The following TRAK1 variants were observed in gnomAD, a reference collection of about 807,000 sequenced individuals.
TRAK1 encodes trafficking kinesin-binding protein 1.
A neutral mutation model predicts 92.1 loss-of-function variants in TRAK1; 33 were observed. The observed-to-expected ratio is 0.36, with a 90% CI of 0.27 to 0.48. TRAK1 has a LOEUF of 0.48. Ranked by LOEUF, TRAK1 falls within the 20% of genes least tolerant of loss-of-function variation. The pLI is 0.99. For missense variants in TRAK1, 1,123 were observed against 1,257.9 expected (o/e 0.89, Z 1.62); for synonymous variants, 521 against 517.3 (o/e 1.01, Z -0.10).
intron 2 of TRAK1, among the ~76,000 whole-genome samples, chr3:42,139,517 C>T (rs773252580): frequency 1.4e-4 from 22 of 152,094 alleles, no homozygotes; most frequent in East Asian, 5.8e-4. Flanking sequence ...CCAGGGTGCA[C>T]GACAGCACCA....
intron 2 of TRAK1, among the ~76,000 whole-genome samples, chr3:42,165,730 C>T (rs969196870): frequency 2.0e-5 from 3 of 152,080 alleles, no homozygotes; most frequent in African/African-American, 7.2e-5. Context: ...ACTGACCTGG[C>T]GCATCAGTAC....
At chr3:42,214,941 G>A (rs1709495378) in intron 14 of TRAK1, among the ~76,000 whole-genome samples, 2 of 152,188 alleles carry the variant, frequency 1.3e-5, no homozygotes, top group African/African-American at 4.8e-5. Context: ...AATCACTTTT[G>A]TATTTTTTAA....
chr3:42,215,072 T>C (rs999402147), intron 14 of TRAK1, among the ~76,000 whole-genome samples: 1 of 152,216 alleles, frequency 6.6e-6, no homozygotes, highest in Non-Finnish European at 1.5e-5. Flanking sequence ...TAATGATGAC[T>C]CGTAGGGCAA....
At chr3:42,102,353 T>C (rs1706892659) in intron 1 of TRAK1, among the ~76,000 whole-genome samples, 1 of 152,260 alleles carries the variant, frequency 6.6e-6, no homozygotes, top group Admixed American at 6.5e-5. Flanking sequence ...TAGAAGCTTC[T>C]TTTACCTTGG....
chr3:42,081,238 C>G (rs1030760104), intron 1 of TRAK1, among the ~76,000 whole-genome samples: 6 of 152,152 alleles, frequency 3.9e-5, no homozygotes, highest in South Asian at 2.1e-4. Context: ...TAAACTCGAG[C>G]CAGCCTAGAG....
chr3:42,058,507 T>G (rs9827425), intron 1 of TRAK1, among the ~76,000 whole-genome samples: 1 of 152,112 alleles, frequency 6.6e-6, no homozygotes, highest in Non-Finnish European at 1.5e-5. Context: ...GCCCAGCTTA[T>G]TTTTTAATGT....
chr3:42,057,250 A>T (rs1703238503), intron 1 of TRAK1, among the ~76,000 whole-genome samples: 1 of 152,208 alleles, frequency 6.6e-6, no homozygotes, highest in African/African-American at 2.4e-5. Flanking sequence ...ATGGACCATG[A>T]GCTCCTGGAG....
intron 2 of TRAK1, among the ~76,000 whole-genome samples, chr3:42,149,760 G>A (rs1040310875): frequency 3.3e-5 from 5 of 152,158 alleles, no homozygotes; most frequent in Admixed American, 3.3e-4. Context: ...CATGGTGGAG[G>A]AGGTGGCAGG....
chr3:42,134,117 G>T (rs1479722728), intron 2 of TRAK1, among the ~76,000 whole-genome samples: 1 of 151,898 alleles, frequency 6.6e-6, no homozygotes, highest in Non-Finnish European at 1.5e-5. Context: ...TGGTCAGCTG[G>T]TCGGCAGTAT....
chr3:42,169,153 T>TA (rs1012722093), intron 2 of TRAK1, among the ~76,000 whole-genome samples: 32 of 151,800 alleles, frequency 2.1e-4, no homozygotes, highest in African/African-American at 7.5e-4. Flanking sequence ...TTTCTTTTTT[T>TA]TTTTAAGTGA....
Position 42,191,515 on chromosome 3 carries a change from C to T in TRAK1, c.691-43C>T, listed in dbSNP as rs375654531. ...CTCAGCCCTTGCCTGCACCACCAGG[C>T]CAGGTGAGAATGTGGGGCCTCTGAC... On this transcript the variant is annotated intron_variant, in intron 6 of 15. Coordinates refer to ENST00000327628, the MANE Select transcript of TRAK1 (RefSeq NM_001042646.3). 4.8e-5 allele frequency: 74 copies of T among 1,549,590 alleles called. No individual in the cohort carries two copies. In the African/African-American group the frequency reaches 9.1e-4, roughly 19 times the overall value.
At chr3:42,146,733 T>G (rs1699375669) in intron 2 of TRAK1, among the ~76,000 whole-genome samples, 1 of 152,158 alleles carries the variant, frequency 6.6e-6, no homozygotes, top group Admixed American at 6.5e-5. Flanking sequence ...TTTAAAATTT[T>G]TTTGTAGAGA....
chr3:42,217,751 T>C, intron 14 of TRAK1: 9 of 985,388 alleles, frequency 9.1e-6, no homozygotes, highest in Non-Finnish European at 1.1e-5. Context: ...CTCATGCCTG[T>C]TATTTGGGAT....
intron 1 of TRAK1, among the ~76,000 whole-genome samples, chr3:42,121,549 G>A (rs760514587): frequency 2.8e-4 from 42 of 152,264 alleles, no homozygotes; most frequent in Non-Finnish European, 5.6e-4. Flanking sequence ...GTGAGCCACT[G>A]CGCCTGGCCT....
intron 7 of TRAK1, among the ~76,000 whole-genome samples, chr3:42,192,787 T>A (rs1471498526): frequency 6.6e-6 from 1 of 152,200 alleles, no homozygotes; most frequent in Non-Finnish European, 1.5e-5. Context: ...CCTGATTTGT[T>A]CTGGGGAGAC....
chr3:42,138,622 C>T (rs185378256), intron 2 of TRAK1, among the ~76,000 whole-genome samples: 101 of 151,608 alleles, frequency 6.7e-4, no homozygotes, highest in African/African-American at 2.1e-3. Context: ...TGTGGCGGCT[C>T]ACACCTATAA....
At chr3:42,190,657 A>G (rs988134035) in intron 6 of TRAK1, among the ~76,000 whole-genome samples, 1 of 151,762 alleles carries the variant, frequency 6.6e-6, no homozygotes, top group African/African-American at 2.4e-5. Flanking sequence ...CCCCACATCC[A>G]TTTTCTGAAG....
chr3:42,057,805 G>T lies in TRAK1; in HGVS notation c.-518-29299G>T, dbSNP rs558191728. 1.5e-3 allele frequency among the ~76,000 whole-genome samples: 234 copies of T among 152,254 alleles called. 1 individual carries two copies. Among genetic ancestry groups the T allele is most frequent in the Non-Finnish European group, 2.8e-3 (192 of 68,008 alleles). ...ATGTCTCTCCTCCATCAAGTGTCCT[G>T]TAACCTGGAGAACTCACCCTGGTTC... On this transcript the variant is annotated intron_variant, in intron 1 of 16. Coordinates refer to the TRAK1 transcript ENST00000487159.
intron 9 of TRAK1, 58 bp downstream of exon 9, chr3:42,193,956 C>G (rs751661513): frequency 7.8e-5 from 116 of 1,495,872 alleles, no homozygotes; most frequent in Admixed American, 1.1e-4. Flanking sequence ...GTGGATTAGC[C>G]TTCCCGGACA....
Sources: allele counts gnomAD v4.1 joint callset (sites outside exome capture counted in the v4.1 genomes callset), GRCh38; gene constraint gnomAD v4.1.1; transcripts MANE v1.5; gene names NCBI Gene and HGNC (gene_info 2026-07-23, HGNC 2026-07-21).